HMGCLL1: variants seen among roughly 807,000 people sequenced by gnomAD.
The protein encoded by HMGCLL1 is 3-hydroxy-3-methylglutaryl-CoA lyase like 1.
A neutral mutation model predicts 39.1 loss-of-function variants in HMGCLL1; 36 were observed. The observed-to-expected ratio is 0.92, with a 90% confidence interval of 0.71 to 1.22. The LOEUF (loss-of-function observed/expected upper bound fraction) is 1.22. Ranked by LOEUF, HMGCLL1 falls within the 50% of genes most tolerant of loss-of-function variation. The probability of loss-of-function intolerance (pLI) is 0.00; values close to 1 mark genes in which losing one functional copy is unlikely to be tolerated. For synonymous variants in HMGCLL1, 149 were observed against 144.0 expected (o/e 1.03, Z -0.25); for missense variants, 451 against 416.5 (o/e 1.08, Z -0.72).
the HMGCLL1 span, among the ~76,000 whole-genome samples, chr6:55,588,589 C>A: frequency 1.3e-5 from 2 of 151,776 alleles, no homozygotes; most frequent in African/African-American, 2.4e-5. Context: ...ACACAAAAAA[C>A]CCTTTAAAAA....
At chr6:55,563,019 T>C (rs1446294481) in intron 1 of HMGCLL1, among the ~76,000 whole-genome samples, 1 of 152,172 alleles carries the variant, frequency 6.6e-6, no homozygotes, top group African/African-American at 2.4e-5. Context: ...TAAACCTACA[T>C]ACATAAAGAC....
At chr6:55,441,877 G>A (rs1300270624) in intron 7 of HMGCLL1, among the ~76,000 whole-genome samples, 1 of 151,892 alleles carries the variant, frequency 6.6e-6, no homozygotes, top group Non-Finnish European at 1.5e-5. Flanking sequence ...TTTTAGTAGA[G>A]ACAGGGTTTC....
chr6:55,628,506 G>A, the HMGCLL1 span, among the ~76,000 whole-genome samples: 1 of 151,598 alleles, frequency 6.6e-6, no homozygotes, highest in Non-Finnish European at 1.5e-5. Context: ...GTTTTGCCAT[G>A]TTAGCCAGGC....
the HMGCLL1 span, among the ~76,000 whole-genome samples, chr6:55,588,175 G>A: frequency 2.0e-4 from 31 of 152,176 alleles, no homozygotes; most frequent in South Asian, 4.2e-3. Context: ...CTCAGCAAAT[G>A]TAAAAGAACA....
the HMGCLL1 span, among the ~76,000 whole-genome samples, chr6:55,586,568 C>T: frequency 1.3e-5 from 2 of 151,116 alleles, no homozygotes; most frequent in African/African-American, 2.4e-5. Flanking sequence ...CAACAGGCCC[C>T]AGTGTGTGAT....
chr6:55,436,329 T>C (rs571593691), intron 8 of HMGCLL1, among the ~76,000 whole-genome samples: 8 of 152,014 alleles, frequency 5.3e-5, no homozygotes, highest in South Asian at 2.1e-4. Context: ...TGGTATTTAG[T>C]ACACATCTGG....
the HMGCLL1 span, among the ~76,000 whole-genome samples, chr6:55,611,309 G>C: frequency 0.14 from 21,429 of 152,088 alleles, 2,119 homozygotes; most frequent in African/African-American, 0.27. Context: ...TAGAAAGCTA[G>C]AAAGATCTCA....
chr6:55,486,200 C>A (rs558038083), intron 7 of HMGCLL1, among the ~76,000 whole-genome samples: 3 of 150,792 alleles, frequency 2.0e-5, no homozygotes, highest in African/African-American at 7.3e-5. Context: ...GGTAGAATTA[C>A]AAGTAAGTAT....
chr6:55,614,282 C>G, the HMGCLL1 span, among the ~76,000 whole-genome samples: 2 of 151,984 alleles, frequency 1.3e-5, no homozygotes, highest in African/African-American at 4.8e-5. Context: ...GAGAGTGGAG[C>G]CCTAATGATG....
At chr6:55,443,568 G>T (rs1763694859) in intron 7 of HMGCLL1, among the ~76,000 whole-genome samples, 1 of 152,052 alleles carries the variant, frequency 6.6e-6, no homozygotes, top group African/African-American at 2.4e-5. Flanking sequence ...GTAACCTATT[G>T]CTTGGGCAAG....
At chr6:55,550,539 C>T (rs1475609840) in intron 1 of HMGCLL1, among the ~76,000 whole-genome samples, 1 of 151,888 alleles carries the variant, frequency 6.6e-6, no homozygotes, top group Non-Finnish European at 1.5e-5. Context: ...GTCCCGCAAA[C>T]AAATCCTTGT....
the HMGCLL1 span, among the ~76,000 whole-genome samples, chr6:55,628,067 T>TATATATATA: frequency 7.1e-4 from 1 of 1,400 alleles, no homozygotes; most frequent in African/African-American, 2.0e-3. Flanking sequence ...ATATATATAG[T>TATATATATA]GTATATATAT....
At chr6:55,670,044 A>G in the HMGCLL1 span, among the ~76,000 whole-genome samples, 1 of 151,876 alleles carries the variant, frequency 6.6e-6, no homozygotes, top group South Asian at 2.1e-4. Context: ...ATTCAGATTC[A>G]TCATAATGAC....
At chr6:55,456,651 T>G (rs1254188943) in intron 7 of HMGCLL1, among the ~76,000 whole-genome samples, 1 of 152,162 alleles carries the variant, frequency 6.6e-6, no homozygotes, top group Non-Finnish European at 1.5e-5. Flanking sequence ...ACTAACAGCT[T>G]TGGGTGGTAT....
intron 7 of HMGCLL1, among the ~76,000 whole-genome samples, chr6:55,447,233 A>G (rs555878046): frequency 6.6e-5 from 10 of 151,968 alleles, no homozygotes; most frequent in Non-Finnish European, 1.3e-4. Context: ...CTGAGAGAGA[A>G]CCCTACTTGC....
chr6:55,573,617 T>C (rs760103534), intron 1 of HMGCLL1, among the ~76,000 whole-genome samples: 3 of 150,906 alleles, frequency 2.0e-5, no homozygotes, highest in Non-Finnish European at 4.4e-5. Flanking sequence ...GGAATATAAA[T>C]GAGAAGAAAA....
intron 1 of HMGCLL1, among the ~76,000 whole-genome samples, chr6:55,551,427 C>T (rs1444239959): frequency 6.6e-6 from 1 of 151,766 alleles, no homozygotes; most frequent in East Asian, 1.9e-4. Context: ...ATCTTAGTTC[C>T]TTGACTTGTA....
At chr6:55,665,954 C>T in the HMGCLL1 span, among the ~76,000 whole-genome samples, 1 of 151,682 alleles carries the variant, frequency 6.6e-6, no homozygotes, top group East Asian at 2.0e-4. Flanking sequence ...ACAACTGAAA[C>T]CTACAGGAAG....
intron 5 of HMGCLL1, among the ~76,000 whole-genome samples, chr6:55,500,058 C>A (rs1000637052): frequency 6.6e-6 from 1 of 151,988 alleles, no homozygotes. Context: ...GAGACATTTA[C>A]AATTCTTGTA....
Sources: allele counts gnomAD v4.1 joint callset (sites outside exome capture counted in the v4.1 genomes callset), GRCh38; gene constraint gnomAD v4.1.1; transcripts MANE v1.5; gene names NCBI Gene and HGNC (gene_info 2026-07-23, HGNC 2026-07-21).